Variants in GIGYF2 observed in about 807,000 individuals in gnomAD.
GIGYF2 encodes the protein GRB10 interacting GYF protein 2, also known as GRB10-interacting GYF protein 2.
GIGYF2 carries 25 observed loss-of-function variants against 208.1 expected under a neutral mutation model. That is an observed-to-expected ratio of 0.12 (90% CI 0.09 to 0.17). The LOEUF is 0.17. Among genes scored for constraint, GIGYF2 ranks in the 10% least tolerant of loss-of-function variants. GIGYF2 has a pLI of 1.00. For synonymous variants in GIGYF2, 534 were observed against 543.8 expected, an observed-to-expected ratio of 0.98 and a Z score of 0.25; for missense variants, 1,302 against 1,579.4, an observed-to-expected ratio of 0.82 and a Z score of 2.98.
chr2:232,744,759 T>C (rs1698087244), intron 3 of GIGYF2, among the ~76,000 whole-genome samples: 1 of 152,050 alleles, frequency 6.6e-6, no homozygotes, highest in Non-Finnish European at 1.5e-5. Flanking sequence ...CTTGAACTCT[T>C]GTACTGAAGT....
chr2:232,809,217 A>AC (rs1466888012), intron 15 of GIGYF2, among the ~76,000 whole-genome samples: 2 of 152,216 alleles, frequency 1.3e-5, no homozygotes, highest in Non-Finnish European at 2.9e-5. Context: ...TGCTGGGATT[A>AC]CAGGTGTGAG....
chr2:232,706,894 C>G (rs143913735), intron 2 of GIGYF2, among the ~76,000 whole-genome samples: 38 of 150,032 alleles, frequency 2.5e-4, no homozygotes, highest in African/African-American at 8.6e-4. Context: ...TGTACTGAGC[C>G]GTGATTGCAC....
At chr2:232,712,455 C>G (rs1164702879) in intron 2 of GIGYF2, among the ~76,000 whole-genome samples, 2 of 152,066 alleles carry the variant, frequency 1.3e-5, no homozygotes, top group Non-Finnish European at 2.9e-5. Context: ...GTGGCTTTTC[C>G]CCCCTCTCTC....
At chr2:232,799,013 G>T (rs566910927) in intron 14 of GIGYF2, among the ~76,000 whole-genome samples, 85 of 151,354 alleles carry the variant, frequency 5.6e-4, no homozygotes, top group Non-Finnish European at 3.7e-4. Context: ...CTGTTTCTAT[G>T]AATTTTACTA....
At chr2:232,707,489 G>A (rs1696173336) in intron 2 of GIGYF2, among the ~76,000 whole-genome samples, 1 of 152,162 alleles carries the variant, frequency 6.6e-6, no homozygotes, top group Non-Finnish European at 1.5e-5. Flanking sequence ...CTTGGGAACT[G>A]ATGTGTGGTG....
chr2:232,757,760 C>G (rs1420895723), intron 6 of GIGYF2, among the ~76,000 whole-genome samples: 1 of 146,654 alleles, frequency 6.8e-6, no homozygotes, highest in Non-Finnish European at 1.5e-5. Flanking sequence ...CAACCAATCT[C>G]TGAACAGCAC....
chr2:232,825,215 GA>G (rs1574928005), intron 21 of GIGYF2, among the ~76,000 whole-genome samples: 1 of 152,278 alleles, frequency 6.6e-6, no homozygotes, highest in East Asian at 1.9e-4. Flanking sequence ...CATTATTTAA[GA>G]AACATACTTC....
intron 14 of GIGYF2, among the ~76,000 whole-genome samples, chr2:232,805,666 A>G (rs1412321546): frequency 2.6e-5 from 4 of 152,200 alleles, no homozygotes; most frequent in Non-Finnish European, 5.9e-5. Flanking sequence ...GATAAAAAGA[A>G]AAAACAGGGA....
chr2:232,738,553 C>T (rs529585154), intron 3 of GIGYF2, among the ~76,000 whole-genome samples: 1 of 152,292 alleles, frequency 6.6e-6, no homozygotes, highest in Non-Finnish European at 1.5e-5. Context: ...TGTCTTTCAA[C>T]CCCCACTAGA....
intron 8 of GIGYF2, among the ~76,000 whole-genome samples, chr2:232,763,831 C>CAA (rs35848912): frequency 6.0e-4 from 72 of 119,850 alleles, no homozygotes; most frequent in South Asian, 4.8e-3. Context: ...ACTCTGTCTG[C>CAA]AAAAAAAAAA....
intron 3 of GIGYF2, among the ~76,000 whole-genome samples, chr2:232,746,355 TTAG>T (rs1409072912): frequency 2.0e-5 from 3 of 152,172 alleles, no homozygotes; most frequent in Non-Finnish European, 2.9e-5. Flanking sequence ...GTGTCATAAT[TTAG>T]TAGATTATTC....
At chr2:232,777,840 C>A (rs551643103) in intron 8 of GIGYF2, among the ~76,000 whole-genome samples, 5 of 152,144 alleles carry the variant, frequency 3.3e-5, no homozygotes, top group Non-Finnish European at 1.5e-5. Context: ...AAAAACAGAA[C>A]AACACAACAA....
intron 13 of GIGYF2, 108 bp downstream of exon 13, chr2:232,795,052 T>G (rs1700183096): frequency 3.7e-6 from 3 of 807,782 alleles, no homozygotes; most frequent in Admixed American, 1.8e-5. Flanking sequence ...TTTTAAGTAC[T>G]GGAAAAACTG....
intron 8 of GIGYF2, 101 bp from the exon 9 acceptor site, chr2:232,787,049 G>A: frequency 1.2e-6 from 1 of 807,804 alleles, no homozygotes; most frequent in Non-Finnish European, 2.2e-6. Flanking sequence ...ATATTGAAAT[G>A]GACCCATTTG....
At chr2:232,846,434 C>G (rs1181235000) in intron 26 of GIGYF2, among the ~76,000 whole-genome samples, 1 of 148,254 alleles carries the variant, frequency 6.7e-6, no homozygotes, top group African/African-American at 2.6e-5. Flanking sequence ...GAACTGTCTC[C>G]CATCCCTGAA....
intron 1 of GIGYF2, among the ~76,000 whole-genome samples, chr2:232,699,295 A>C (rs1695741700): frequency 6.6e-6 from 1 of 152,184 alleles, no homozygotes; most frequent in African/African-American, 2.4e-5. Flanking sequence ...TAGACTGGGA[A>C]AAGCATGGAG....
chr2:232,733,916 C>T (rs1313775373), intron 2 of GIGYF2, among the ~76,000 whole-genome samples: 1 of 152,022 alleles, frequency 6.6e-6, no homozygotes, highest in Non-Finnish European at 1.5e-5. Context: ...TTGGTTGAAT[C>T]CATGAACCAG....
chr2:232,790,632 C>T (rs1700041498), intron 9 of GIGYF2, 66 bp from the exon 10 acceptor site: 14 of 1,311,342 alleles, frequency 1.1e-5, no homozygotes, highest in Non-Finnish European at 1.5e-5. Context: ...TTTTCTATTC[C>T]TGATTTTCTT....
intron 3 of GIGYF2, among the ~76,000 whole-genome samples, chr2:232,738,485 T>TG (rs1340475476): frequency 1.3e-5 from 2 of 152,206 alleles, no homozygotes; most frequent in African/African-American, 4.8e-5. Flanking sequence ...TTCTTCATGT[T>TG]GTGTATCAAA....
Sources: allele counts gnomAD v4.1 joint callset (sites outside exome capture counted in the v4.1 genomes callset), GRCh38; gene constraint gnomAD v4.1.1; transcripts MANE v1.5; gene names NCBI Gene and HGNC (gene_info 2026-07-23, HGNC 2026-07-21).